The following IQGAP2 variants were observed in gnomAD, a reference collection of about 807,000 sequenced individuals.
The protein encoded by IQGAP2 is ras GTPase-activating-like protein IQGAP2.
In IQGAP2, 173 loss-of-function variants were observed where a neutral mutation model predicts 201.3. The observed-to-expected ratio is 0.86, with a 90% confidence interval of 0.76 to 0.98. IQGAP2 has a LOEUF of 0.98. Ranked by LOEUF, IQGAP2 falls within the 50% of genes least tolerant of loss-of-function variation. The probability of loss-of-function intolerance (pLI) is 0.00; values close to 1 mark genes in which losing one functional copy is unlikely to be tolerated. For synonymous variants in IQGAP2, 675 were observed against 673.9 expected, an observed-to-expected ratio of 1.00 and a Z score of -0.03; for missense variants, 1,687 against 1,864.8, an observed-to-expected ratio of 0.90 and a Z score of 1.76.
At chr5:76,549,024 A>G (rs1328396578) in intron 2 of IQGAP2, among the ~76,000 whole-genome samples, 1 of 152,098 alleles carries the variant, frequency 6.6e-6, no homozygotes, top group Non-Finnish European at 1.5e-5. Flanking sequence ...GTATGGCTAA[A>G]CAGTGCTGAA....
chr5:76,511,024 G>A (rs956566907), intron 2 of IQGAP2, among the ~76,000 whole-genome samples: 2 of 152,214 alleles, frequency 1.3e-5, no homozygotes, highest in East Asian at 3.8e-4. Context: ...AATGAAAGGA[G>A]AACAGAGATG....
intron 22 of IQGAP2, among the ~76,000 whole-genome samples, chr5:76,667,922 A>C (rs1411379093): frequency 8.0e-6 from 1 of 125,058 alleles, no homozygotes; most frequent in Non-Finnish European, 1.6e-5. Context: ...TGTGTTGTCT[A>C]GGCTGGAATA....
intron 13 of IQGAP2, among the ~76,000 whole-genome samples, chr5:76,626,515 C>G (rs1750251797): frequency 6.6e-6 from 1 of 152,056 alleles, no homozygotes; most frequent in Non-Finnish European, 1.5e-5. Flanking sequence ...AAGTGGTCCA[C>G]CACCCTCAGC....
intron 5 of IQGAP2, among the ~76,000 whole-genome samples, chr5:76,586,461 G>T (rs1192566525): frequency 6.6e-6 from 1 of 152,102 alleles, no homozygotes; most frequent in Non-Finnish European, 1.5e-5. Context: ...TTCATTAATA[G>T]GCATTTCGTG....
At chr5:76,682,709 A>G (rs746599669) in intron 28 of IQGAP2, among the ~76,000 whole-genome samples, 3 of 152,228 alleles carry the variant, frequency 2.0e-5, no homozygotes, top group Non-Finnish European at 4.4e-5. Context: ...TAAGAAGAAG[A>G]TAACTGTAGT....
At chr5:76,585,206 G>A (rs1012073712) in intron 5 of IQGAP2, among the ~76,000 whole-genome samples, 1 of 152,146 alleles carries the variant, frequency 6.6e-6, no homozygotes, top group Non-Finnish European at 1.5e-5. Context: ...ATAGAAAAAT[G>A]TAAAAGTATA....
At chr5:76,694,495 C>T (rs1161311012) in intron 31 of IQGAP2, among the ~76,000 whole-genome samples, 1 of 152,176 alleles carries the variant, frequency 6.6e-6, no homozygotes, top group Non-Finnish European at 1.5e-5. Context: ...AGGTGTGTAA[C>T]TCTGTGCACT....
intron 9 of IQGAP2, among the ~76,000 whole-genome samples, chr5:76,596,700 G>A (rs1041547187): frequency 1.3e-5 from 2 of 152,160 alleles, no homozygotes; most frequent in Non-Finnish European, 2.9e-5. Flanking sequence ...TAGAGAGAAG[G>A]GGGAAGCGTT....
intron 15 of IQGAP2, 67 bp downstream of exon 15, chr5:76,632,093 T>C: frequency 7.5e-7 from 1 of 1,334,868 alleles, no homozygotes; most frequent in Non-Finnish European, 1.0e-6. Flanking sequence ...TATTATATTT[T>C]CTTAATTTTA....
At chr5:76,515,872 C>CTT (rs71604295) in intron 2 of IQGAP2, among the ~76,000 whole-genome samples, 16,100 of 102,386 alleles carry the variant, frequency 0.16, 1,776 homozygotes, top group African/African-American at 0.28. Flanking sequence ...AGGGGGTGAT[C>CTT]TTTTTTTTTT....
chr5:76,451,541 C>T (rs1391956710), intron 1 of IQGAP2, among the ~76,000 whole-genome samples: 1 of 152,194 alleles, frequency 6.6e-6, no homozygotes, highest in Non-Finnish European at 1.5e-5. Context: ...ATCACTTCCT[C>T]TCTGCTGCCT....
At chr5:76,405,409 C>T (rs919175748) in intron 1 of IQGAP2, among the ~76,000 whole-genome samples, 14 of 152,102 alleles carry the variant, frequency 9.2e-5, no homozygotes, top group Non-Finnish European at 1.3e-4. Context: ...GAATCACTCC[C>T]GGTTACTTTC....
chr5:76,673,686 T>C, intron 25 of IQGAP2, 97 bp downstream of exon 25: 1 of 1,243,298 alleles, frequency 8.0e-7, no homozygotes, highest in Non-Finnish European at 1.1e-6. Flanking sequence ...CAGTTTTCCC[T>C]TATATTGTGT....
In IQGAP2 at chr5:76,455,391, T is replaced by C. The variant is rs1379613387; in HGVS notation, c.47-6179T>C. Among the ~76,000 whole-genome samples the C allele has an allele frequency of 1.4e-5, 2 of 146,010 alleles. 1 individual carries two copies. The highest frequency in any genetic ancestry group is 4.2e-4 in the South Asian group (2 of 4,706). ...TCGCTTGAACCCAGGAGGCAGAGGT[T>C]GCAGTGAGCCAAGATCGTACTACTG... On this transcript the variant is annotated intron_variant, in intron 1 of 35. Transcript: ENST00000274364.
intron 1 of IQGAP2, among the ~76,000 whole-genome samples, chr5:76,420,923 A>G (rs1401336669): frequency 1.3e-5 from 2 of 152,222 alleles, no homozygotes; most frequent in Non-Finnish European, 2.9e-5. Context: ...TTAAGGCTGA[A>G]TAATATCCCA....
intron 4 of IQGAP2, among the ~76,000 whole-genome samples, chr5:76,573,777 ATTT>A (rs59411410): frequency 4.0e-5 from 5 of 126,156 alleles, no homozygotes; most frequent in Non-Finnish European, 3.4e-5. Context: ...ATGCCCAGCT[ATTT>A]TTTTTTTTTT....
chr5:76,494,127 T>C (rs1253372779), intron 2 of IQGAP2, among the ~76,000 whole-genome samples: 1 of 152,234 alleles, frequency 6.6e-6, no homozygotes, highest in Admixed American at 6.5e-5. Context: ...AGTTTTGATC[T>C]GCAGTTGGTT....
chr5:76,484,871 A>C (rs1273250716), intron 2 of IQGAP2, among the ~76,000 whole-genome samples: 1 of 152,044 alleles, frequency 6.6e-6, no homozygotes, highest in Non-Finnish European at 1.5e-5. Flanking sequence ...TCACTCTGTC[A>C]CCCAGGCTGG....
chr5:76,529,485 T>A (rs1759153063), intron 2 of IQGAP2, among the ~76,000 whole-genome samples: 1 of 151,754 alleles, frequency 6.6e-6, no homozygotes, highest in Admixed American at 6.6e-5. Flanking sequence ...AAAATTAGCC[T>A]GGTGTAGTGG....
Sources: allele counts gnomAD v4.1 joint callset (sites outside exome capture counted in the v4.1 genomes callset), GRCh38; gene constraint gnomAD v4.1.1; transcripts MANE v1.5; gene names NCBI Gene and HGNC (gene_info 2026-07-23, HGNC 2026-07-21).